The following TPTE variants were observed in gnomAD, a reference collection of about 807,000 sequenced individuals.
TPTE encodes putative tyrosine-protein phosphatase TPTE.
TPTE carries 59 observed loss-of-function variants against 84.1 expected under a neutral mutation model. The ratio of observed to expected loss-of-function variants is 0.70; its 90% confidence interval spans 0.57 to 0.87. TPTE has a LOEUF of 0.87. Ranked by LOEUF, TPTE falls within the 40% of genes least tolerant of loss-of-function variation. The probability of loss-of-function intolerance (pLI) is 0.00; values close to 1 mark genes in which losing one functional copy is unlikely to be tolerated. For synonymous variants in TPTE, 130 were observed against 223.5 expected (o/e 0.58, Z 3.73); for missense variants, 382 against 659.6 (o/e 0.58, Z 4.61).
At chr21:10,541,942 A>G (rs1019282713) in intron 5 of TPTE, among the ~76,000 whole-genome samples, 3 of 152,428 alleles carry the variant, frequency 2.0e-5, no homozygotes, top group Admixed American at 1.3e-4. Context: ...TCACCATCCT[A>G]TTGGATTGTG....
intron 11 of TPTE, among the ~76,000 whole-genome samples, 155 bp from the exon 12 acceptor site, chr21:10,569,282 T>C (rs2074990726): frequency 6.6e-6 from 1 of 152,310 alleles, no homozygotes; most frequent in South Asian, 2.1e-4. Context: ...GGTGAAAACC[T>C]AAATGCCTCC....
intron 3 of TPTE, among the ~76,000 whole-genome samples, chr21:10,537,683 A>AT (rs1215179183): frequency 6.6e-6 from 1 of 152,220 alleles, no homozygotes; most frequent in Non-Finnish European, 1.5e-5. Context: ...CCCTCAAAAA[A>AT]AAAAAAAAAG....
At chr21:10,545,657 A>C (rs1455725325) in intron 7 of TPTE, among the ~76,000 whole-genome samples, 1 of 150,702 alleles carries the variant, frequency 6.6e-6, no homozygotes, top group African/African-American at 2.4e-5. Context: ...CACACATATA[A>C]CACACATGTA....
In TPTE at chr21:10,603,555, T is replaced by C; in HGVS notation, c.1450-7T>C. Reference sequence around the variant, plus strand: ...AGTTTTACTTTGAAATTTTTTTTTCTTTTTAGAATCTTCCTACATACTATG... The same window carrying C: ...AGTTTTACTTTGAAATTTTTTTTTCCTTTTAGAATCTTCCTACATACTATG... On this transcript the variant is annotated splice_region_variant and splice_polypyrimidine_tract_variant and intron_variant, in intron 22 of 23. Coordinates refer to ENST00000618007, the MANE Select transcript of TPTE (RefSeq NM_199261.4). The C allele has an allele frequency of 6.2e-7, 1 of 1,608,934 alleles. No individual in the cohort carries two copies. Among genetic ancestry groups the C allele is most frequent in the Non-Finnish European group, 8.5e-7 (1 of 1,177,618 alleles).
intron 5 of TPTE, among the ~76,000 whole-genome samples, chr21:10,541,652 G>C (rs1345393694): frequency 6.6e-6 from 1 of 152,304 alleles, no homozygotes; most frequent in Non-Finnish European, 1.5e-5. Flanking sequence ...ACATTGTTTA[G>C]AAAAAAAGAA....
At chr21:10,601,852 GAAAAC>G (rs1978561914) in intron 21 of TPTE, among the ~76,000 whole-genome samples, 1 of 152,308 alleles carries the variant, frequency 6.6e-6, no homozygotes, top group African/African-American at 2.4e-5. Flanking sequence ...CTCTGTCTCA[GAAAAC>G]AAAAAGCAAA....
chr21:10,561,684 C>T (rs1339532031), intron 10 of TPTE, among the ~76,000 whole-genome samples: 3 of 152,302 alleles, frequency 2.0e-5, no homozygotes, highest in African/African-American at 7.2e-5. Flanking sequence ...GGAAGGACTG[C>T]ATCTTGTGGT....
chr21:10,591,867 C>A (rs1242863222), intron 18 of TPTE, among the ~76,000 whole-genome samples: 2 of 152,312 alleles, frequency 1.3e-5, no homozygotes, highest in Non-Finnish European at 2.9e-5. Context: ...AGCCTCTGCC[C>A]AAAGATCACT....
At chr21:10,581,041 C>G (rs2075262638) in intron 17 of TPTE, among the ~76,000 whole-genome samples, 1 of 152,310 alleles carries the variant, frequency 6.6e-6, no homozygotes, top group Non-Finnish European at 1.5e-5. Flanking sequence ...AAACATAGCA[C>G]CATCAACTGA....
Position 10,569,478 on chromosome 21 carries a change from T to A in TPTE, c.608T>A (p.Leu203Ter), listed in dbSNP as rs2145702681. The change falls in exon 12 of 24, where the codon TTA becomes TAA. Residue 203 changes from leucine (L) to a stop codon, truncating the protein, a stop_gained. Coordinates refer to ENST00000618007, the MANE Select transcript of TPTE (RefSeq NM_199261.4). LOFTEE classifies it high-confidence loss of function. ...CGACTTCTACGACTTATTATTCTGT[T>A]AAGAATTTTTCATCTGTTTCATCAA... The part of the protein sequence containing the change: ...LLRLLRLIIL[L>*]RIFHLFHQKR... The A allele has an allele frequency of 6.2e-7, 1 of 1,613,970 alleles. No homozygotes were observed. The highest frequency in any genetic ancestry group is 8.5e-7 in the Non-Finnish European group (1 of 1,179,840).
chr21:10,554,875 T>C (rs2074649677), intron 8 of TPTE, among the ~76,000 whole-genome samples: 1 of 152,304 alleles, frequency 6.6e-6, no homozygotes, highest in African/African-American at 2.4e-5. Flanking sequence ...AGCATGAACA[T>C]GTCATCCCTC....
chr21:10,537,069 G>C (rs1333637661), intron 3 of TPTE, among the ~76,000 whole-genome samples: 1 of 152,312 alleles, frequency 6.6e-6, no homozygotes, highest in Non-Finnish European at 1.5e-5. Flanking sequence ...TGAGAGCAGA[G>C]AAGACACCTA....
chr21:10,547,750 A>C (rs1474183245), intron 7 of TPTE, among the ~76,000 whole-genome samples: 1 of 152,302 alleles, frequency 6.6e-6, no homozygotes, highest in African/African-American at 2.4e-5. Flanking sequence ...TTAAAGCCAC[A>C]ATCCCAGCTG....
chr21:10,603,835 T>G (rs1978920390), intron 23 of TPTE, among the ~76,000 whole-genome samples: 2 of 152,310 alleles, frequency 1.3e-5, no homozygotes, highest in African/African-American at 4.8e-5. Flanking sequence ...TGTTGCAGTA[T>G]CCTCAGGGTC....
intron 3 of TPTE, among the ~76,000 whole-genome samples, chr21:10,531,313 T>C (rs1163084587): frequency 1.3e-5 from 2 of 152,304 alleles, no homozygotes; most frequent in Non-Finnish European, 2.9e-5. Context: ...ACTCACTCTA[T>C]TAGTTCTTGC....
At chr21:10,523,028 T>C (rs1450273678) in intron 1 of TPTE, among the ~76,000 whole-genome samples, 1 of 152,310 alleles carries the variant, frequency 6.6e-6, no homozygotes, top group Non-Finnish European at 1.5e-5. Context: ...TTTAATATTG[T>C]TTAGAAAACA....
intron 8 of TPTE, among the ~76,000 whole-genome samples, chr21:10,559,165 C>G (rs2074743097): frequency 6.6e-6 from 1 of 152,310 alleles, no homozygotes; most frequent in Admixed American, 6.5e-5. Flanking sequence ...CTTCTACCAC[C>G]CTTTTCTGTC....
intron 10 of TPTE, among the ~76,000 whole-genome samples, chr21:10,565,025 G>A (rs1000022062): frequency 1.3e-5 from 2 of 152,288 alleles, no homozygotes; most frequent in Non-Finnish European, 2.9e-5. Flanking sequence ...AGAAAGAAAG[G>A]GAATAAAAAA....
chr21:10,571,929 CAGGAGGTGG>C (rs1392708449), intron 14 of TPTE, among the ~76,000 whole-genome samples: 1 of 152,286 alleles, frequency 6.6e-6, no homozygotes, highest in Non-Finnish European at 1.5e-5. Flanking sequence ...TGCTTGAATC[CAGGAGGTGG>C]AGGTTGCAGT....
Sources: gnomAD v4.1 joint callset for allele counts (sites outside exome capture counted in the v4.1 genomes callset) on GRCh38, gnomAD v4.1.1 for gene constraint, MANE v1.5 for transcripts, NCBI Gene and HGNC (gene_info 2026-07-23, HGNC 2026-07-21) for gene names.